Variants in SPAG16 observed in about 807,000 individuals in gnomAD.
SPAG16 encodes the protein sperm associated antigen 16.
Under a neutral mutation model 80.4 loss-of-function variants are expected in SPAG16, and 86 were observed. The observed-to-expected ratio is 1.07, with a 90% CI of 0.90 to 1.28. SPAG16 has a LOEUF of 1.28. Among genes scored for constraint, SPAG16 ranks in the 50% most tolerant of loss-of-function variants. The pLI is 0.00. For synonymous variants in SPAG16, 294 were observed against 265.9 expected (o/e 1.11, Z -1.03); for missense variants, 870 against 765.3 (o/e 1.14, Z -1.61).
At chr2:213,462,445 G>T (rs2072429709) in intron 9 of SPAG16, among the ~76,000 whole-genome samples, 1 of 152,102 alleles carries the variant, frequency 6.6e-6, no homozygotes, top group Non-Finnish European at 1.5e-5. Flanking sequence ...ATTTGGAGGA[G>T]ATCACATGTT....
intron 11 of SPAG16, among the ~76,000 whole-genome samples, chr2:213,871,869 CACACACACACAGAGAGAGAGAGAGAG>C (rs1173753966): frequency 2.0e-3 from 216 of 108,098 alleles, no homozygotes; most frequent in African/African-American, 6.8e-3. Context: ...CACACACACA[CACACACACACAGAGAGAGAGAGAGAG>C]AGAGCAAACA....
At chr2:213,463,218 C>T (rs536222532) in intron 9 of SPAG16, among the ~76,000 whole-genome samples, 6 of 152,214 alleles carry the variant, frequency 3.9e-5, no homozygotes, top group Non-Finnish European at 5.9e-5. Context: ...TTGTAAGCAT[C>T]GAAGCATTAA....
chr2:213,475,978 G>A (rs1390182281), intron 9 of SPAG16, among the ~76,000 whole-genome samples: 3 of 152,164 alleles, frequency 2.0e-5, no homozygotes, highest in Non-Finnish European at 2.9e-5. Flanking sequence ...GGTCCCTGGG[G>A]GAAGTGGTCT....
Position 213,642,869 on chromosome 2 carries a change from C to T in SPAG16, c.1070+152779C>T, listed in dbSNP as rs1432186278. ...AAAAAAGAGAGACTGGTCTAACCTC[C>T]CAGCCTACATCTCTTTTCCATGCTG... On this transcript the variant is annotated intron_variant, in intron 10 of 15. Transcript: ENST00000331683. 2.1e-5 allele frequency among the ~76,000 whole-genome samples: 3 copies of T among 145,814 alleles called. No individual in the cohort carries two copies. The Admixed American group carries it at 2.1e-4, about 10-fold the overall frequency.
At chr2:213,523,642 G>T (rs1308133732) in intron 10 of SPAG16, among the ~76,000 whole-genome samples, 1 of 152,156 alleles carries the variant, frequency 6.6e-6, no homozygotes, top group Non-Finnish European at 1.5e-5. Context: ...TTGTTGAATG[G>T]CTTTGACCAA....
intron 5 of SPAG16, among the ~76,000 whole-genome samples, chr2:213,322,866 G>A (rs1479206924): frequency 1.3e-5 from 2 of 152,164 alleles, no homozygotes; most frequent in East Asian, 1.9e-4. Flanking sequence ...TCCAGGCAGA[G>A]GAAAAAGGAA....
chr2:213,477,699 G>A (rs1448241447), intron 9 of SPAG16, among the ~76,000 whole-genome samples: 1 of 152,138 alleles, frequency 6.6e-6, no homozygotes, highest in Non-Finnish European at 1.5e-5. Context: ...ACTTGCTTTT[G>A]ATTTTACAGG....
intron 10 of SPAG16, among the ~76,000 whole-genome samples, chr2:213,594,251 A>G (rs1042087606): frequency 2.0e-5 from 3 of 152,026 alleles, no homozygotes; most frequent in Admixed American, 2.0e-4. Context: ...TTCCTCTTCA[A>G]TCTAACCTTT....
At chr2:213,666,634 G>T (rs2063614457) in intron 10 of SPAG16, among the ~76,000 whole-genome samples, 1 of 152,120 alleles carries the variant, frequency 6.6e-6, no homozygotes, top group Non-Finnish European at 1.5e-5. Context: ...CTACAAACCT[G>T]CTCAGTTCAG....
intron 10 of SPAG16, among the ~76,000 whole-genome samples, chr2:213,710,093 A>G (rs2065917987): frequency 6.6e-6 from 1 of 152,118 alleles, no homozygotes; most frequent in Admixed American, 6.5e-5. Flanking sequence ...CTCCTGGCTA[A>G]CATGGTGAAA....
At chr2:213,991,582 C>T (rs939962940) in intron 12 of SPAG16, among the ~76,000 whole-genome samples, 7 of 152,158 alleles carry the variant, frequency 4.6e-5, no homozygotes, top group Non-Finnish European at 4.4e-5. Flanking sequence ...GACCCCCGCA[C>T]TTGTCCCACG....
At chr2:213,348,664 T>C (rs2065145326) in intron 6 of SPAG16, among the ~76,000 whole-genome samples, 2 of 152,212 alleles carry the variant, frequency 1.3e-5, no homozygotes, top group Non-Finnish European at 2.9e-5. Context: ...TATGAAATTC[T>C]GGGTTGAAAA....
chr2:213,363,738 AAC>A (rs1225322719), intron 7 of SPAG16, among the ~76,000 whole-genome samples: 1 of 152,104 alleles, frequency 6.6e-6, no homozygotes, highest in African/African-American at 2.4e-5. Context: ...GTTATTGTGA[AAC>A]AATTTGAACA....
At chr2:214,110,991 A>G (rs1388573538) in intron 14 of SPAG16, among the ~76,000 whole-genome samples, 2 of 150,528 alleles carry the variant, frequency 1.3e-5, no homozygotes, top group Non-Finnish European at 3.0e-5. Context: ...TTTTTTTCCT[A>G]GTAAATTTGT....
At chr2:214,073,007 C>A (rs1486181174) in intron 13 of SPAG16, among the ~76,000 whole-genome samples, 1 of 151,992 alleles carries the variant, frequency 6.6e-6, no homozygotes, top group Non-Finnish European at 1.5e-5. Flanking sequence ...TTTCTAGTGA[C>A]AATTAGTGGT....
At chr2:213,945,311 A>G (rs2079399419) in intron 12 of SPAG16, among the ~76,000 whole-genome samples, 1 of 147,040 alleles carries the variant, frequency 6.8e-6, no homozygotes. Context: ...ACAAGTATAT[A>G]TATGTGTGTG....
intron 14 of SPAG16, among the ~76,000 whole-genome samples, chr2:214,142,854 A>G (rs575751473): frequency 8.5e-5 from 13 of 152,308 alleles, no homozygotes; most frequent in African/African-American, 3.1e-4. Flanking sequence ...TTTATCTTCC[A>G]TCTGACACAA....
intron 9 of SPAG16, among the ~76,000 whole-genome samples, chr2:213,418,114 C>A (rs1029297014): frequency 2.6e-5 from 4 of 152,154 alleles, no homozygotes; most frequent in Non-Finnish European, 4.4e-5. Flanking sequence ...CTTAGGTGAT[C>A]CACCTGCCTC....
At chr2:213,379,302 C>A (rs1040298370) in intron 9 of SPAG16, among the ~76,000 whole-genome samples, 2 of 152,132 alleles carry the variant, frequency 1.3e-5, no homozygotes, top group Non-Finnish European at 2.9e-5. Context: ...TCAGAGCATA[C>A]ACACCTTCTG....
Sources: allele counts gnomAD v4.1 joint callset (sites outside exome capture counted in the v4.1 genomes callset), GRCh38; gene constraint gnomAD v4.1.1; transcripts MANE v1.5; gene names NCBI Gene and HGNC (gene_info 2026-07-23, HGNC 2026-07-21).